The following RANBP9 variants were observed in gnomAD, a reference collection of about 807,000 sequenced individuals.
The protein encoded by RANBP9 is ran-binding protein 9.
A neutral mutation model predicts 84.3 loss-of-function variants in RANBP9; 15 were observed. That is an observed-to-expected ratio of 0.18 (90% CI 0.12 to 0.27). The LOEUF (loss-of-function observed/expected upper bound fraction) is 0.27. RANBP9 is among the 10% of genes least tolerant of loss of function. The probability of loss-of-function intolerance (pLI) is 1.00; values close to 1 mark genes in which losing one functional copy is unlikely to be tolerated. For missense variants in RANBP9, 809 were observed against 912.8 expected (o/e 0.89, Z 1.46); for synonymous variants, 392 against 349.6 (o/e 1.12, Z -1.35).
At chr6:13,668,976 T>C (rs940576842) in intron 2 of RANBP9, among the ~76,000 whole-genome samples, 6 of 152,076 alleles carry the variant, frequency 3.9e-5, no homozygotes, top group Non-Finnish European at 5.9e-5. Context: ...ATTTTGTATA[T>C]AGAAAATCCT....
At chr6:13,664,625 A>T (rs1354459815) in intron 2 of RANBP9, among the ~76,000 whole-genome samples, 1 of 152,116 alleles carries the variant, frequency 6.6e-6, no homozygotes, top group Non-Finnish European at 1.5e-5. Flanking sequence ...AGAAGAGAGT[A>T]ATTCAAATGT....
At chr6:13,658,701 T>C (rs1158741469) in intron 3 of RANBP9, 79 bp downstream of exon 3, 6 of 1,155,090 alleles carry the variant, frequency 5.2e-6, no homozygotes, top group Non-Finnish European at 7.7e-6. Context: ...TCTTTAAATA[T>C]TACAATTTCT....
intron 1 of RANBP9, among the ~76,000 whole-genome samples, chr6:13,710,731 T>A (rs1340230927): frequency 6.6e-6 from 1 of 152,174 alleles, no homozygotes; most frequent in Non-Finnish European, 1.5e-5. Flanking sequence ...CTACTCACCT[T>A]CCTTTTCCAA....
chr6:13,622,272 T>A lies in RANBP9; in HGVS notation c.*90A>T, dbSNP rs1214172086. ...AAAAACCTGTCCCCAGTACATAATT[T>A]AAAAAATCTAAATTTCAAATCAGCA... On this transcript the variant is annotated 3_prime_UTR_variant, in exon 14 of 14. Coordinates refer to ENST00000011619, the MANE Select transcript of RANBP9 (RefSeq NM_005493.3). The A allele has an allele frequency of 1.5e-6, 2 of 1,300,440 alleles. No individual in the cohort carries two copies. The highest frequency in any genetic ancestry group is 2.0e-6 in the Non-Finnish European group (2 of 1,001,150). 80.6% of individuals were successfully genotyped at this position (1,300,440 alleles called of 1,614,324 possible).
chr6:13,688,169 C>A (rs547917190), intron 2 of RANBP9, among the ~76,000 whole-genome samples: 1 of 152,276 alleles, frequency 6.6e-6, no homozygotes, highest in East Asian at 1.9e-4. Context: ...GAGAGTCTGT[C>A]AAAAAATACA....
Position 13,681,293 on chromosome 6 carries a change from AAG to A in RANBP9, c.683+15490_683+15491del, listed in dbSNP as rs151282776. Among the ~76,000 whole-genome samples, 1,496 of 151,780 alleles carry A rather than the reference AAG, an allele frequency of 9.9e-3. 22 individuals carry two copies. The highest frequency in any genetic ancestry group is 0.033 in the African/African-American group (1,358 of 41,292). On this transcript the variant is annotated intron_variant, in intron 2 of 13. Coordinates refer to ENST00000011619, the MANE Select transcript of RANBP9 (RefSeq NM_005493.3). ...GGAGGGTTTGAGATAAAGGGGCAAC[AAG>A]AGAGAGTTTGGCGTGGTTGTTATGT... is the stretch of plus-strand genomic sequence containing the variant.
chr6:13,622,551 T>A, intron 13 of RANBP9, 59 bp from the exon 14 acceptor site: 1 of 1,478,970 alleles, frequency 6.8e-7, no homozygotes, highest in Non-Finnish European at 9.1e-7. Flanking sequence ...TAAAAAACAT[T>A]TCAATCAGGA....
intron 2 of RANBP9, among the ~76,000 whole-genome samples, chr6:13,680,466 A>T (rs1017059581): frequency 1.3e-5 from 2 of 152,144 alleles, no homozygotes; most frequent in Non-Finnish European, 2.9e-5. Flanking sequence ...GGCTGGGTAC[A>T]GTGGTTCATG....
chr6:13,694,682 T>C (rs1040515286), intron 2 of RANBP9, among the ~76,000 whole-genome samples: 1 of 152,222 alleles, frequency 6.6e-6, no homozygotes, highest in African/African-American at 2.4e-5. Context: ...AGTTTTAAAC[T>C]GCATGCCATT....
At chr6:13,634,242 A>G (rs979042223) in intron 11 of RANBP9, among the ~76,000 whole-genome samples, 189 bp downstream of exon 11, 9 of 152,234 alleles carry the variant, frequency 5.9e-5, no homozygotes, top group Admixed American at 1.3e-4. Context: ...CCTGTAGCTG[A>G]AAGGTAACTC....
chr6:13,683,678 AAT>A (rs774922130), intron 2 of RANBP9, among the ~76,000 whole-genome samples: 14 of 152,280 alleles, frequency 9.2e-5, no homozygotes, highest in East Asian at 5.8e-4. Context: ...TGCTTTTAAA[AAT>A]ATGTTATTTT....
intron 2 of RANBP9, among the ~76,000 whole-genome samples, chr6:13,675,790 T>C (rs1006856148): frequency 6.6e-6 from 1 of 151,704 alleles, no homozygotes; most frequent in African/African-American, 2.4e-5. Flanking sequence ...AAACTATTAT[T>C]ATCAGTAATA....
chr6:13,652,242 C>T (rs1396581956), intron 5 of RANBP9, among the ~76,000 whole-genome samples: 2 of 152,136 alleles, frequency 1.3e-5, no homozygotes, highest in Admixed American at 6.5e-5. Flanking sequence ...ACTATAAAGT[C>T]CAAGAGGGCA....
chr6:13,627,556 G>C (rs749603803), intron 12 of RANBP9, among the ~76,000 whole-genome samples: 1 of 147,806 alleles, frequency 6.8e-6, no homozygotes, highest in Non-Finnish European at 1.5e-5. Flanking sequence ...CTTGAACCCA[G>C]TAGGCGGAGG....
chr6:13,699,242 C>T (rs1041246041), intron 1 of RANBP9, among the ~76,000 whole-genome samples: 3 of 152,020 alleles, frequency 2.0e-5, no homozygotes, highest in Non-Finnish European at 4.4e-5. Flanking sequence ...CTATAAAGTA[C>T]CAGTTATAAA....
rs181517181 is a variant in RANBP9, at chr6:13,639,916, G to C, written c.1335-163C>G. ...ATGGTGTCCTATGCTTTAATGCTTA[G>C]AATTTTAGAATTTCCAGAAAAATGA... On this transcript the variant is annotated intron_variant, in intron 8 of 13. Transcript: ENST00000011619. Among the ~76,000 whole-genome samples the C allele has an allele frequency of 6.6e-5, 10 of 152,190 alleles. No homozygotes were observed. The East Asian group carries it at 1.9e-3, about 29-fold the overall frequency.
At chr6:13,634,699 G>A (rs917174834) in intron 10 of RANBP9, 147 bp from the exon 11 acceptor site, 10 of 857,466 alleles carry the variant, frequency 1.2e-5, no homozygotes, top group African/African-American at 1.7e-5. Flanking sequence ...GTTAAATCTT[G>A]AACGTATTCA....
At chr6:13,634,294 A>G (rs1225425343) in intron 11 of RANBP9, 137 bp downstream of exon 11, 1 of 1,024,602 alleles carries the variant, frequency 9.8e-7, no homozygotes, top group Admixed American at 2.5e-5. Context: ...TTTAAGTGCT[A>G]TGCATTACTG....
chr6:13,697,375 T>C lies in RANBP9; in HGVS notation c.572-479A>G, dbSNP rs761880597. On this transcript the variant is annotated intron_variant, in intron 1 of 13. Transcript: ENST00000011619. The stretch of plus-strand genomic sequence containing the variant: ...TGAAATCTTACACAATTAGATTGAA[T>C]TGGCAAAACAGCTTTCTTAAGAATT... Among the ~76,000 whole-genome samples, 31 of 152,348 alleles carry C rather than the reference T, an allele frequency of 2.0e-4. 1 individual carries two copies. Among genetic ancestry groups the C allele is most frequent in the Middle Eastern group, 6.8e-3 (2 of 294 alleles).
Sources: gnomAD v4.1 joint callset for allele counts (sites outside exome capture counted in the v4.1 genomes callset) on GRCh38, gnomAD v4.1.1 for gene constraint, MANE v1.5 for transcripts, NCBI Gene and HGNC (gene_info 2026-07-23, HGNC 2026-07-21) for gene names.